Variants in ARHGEF3 observed in about 807,000 individuals in gnomAD.
The protein encoded by ARHGEF3 is 59.8 kDA protein.
In ARHGEF3, 28 loss-of-function variants were observed where a neutral mutation model predicts 63.2. That is an observed-to-expected ratio of 0.44 (90% CI 0.33 to 0.61). The LOEUF (loss-of-function observed/expected upper bound fraction) is 0.61, where lower values mean the gene tolerates loss of function less well. Ranked by LOEUF, ARHGEF3 falls within the 20% of genes least tolerant of loss-of-function variation. The probability of loss-of-function intolerance (pLI) is 0.03; values close to 1 mark genes in which losing one functional copy is unlikely to be tolerated. For synonymous variants in ARHGEF3, 266 were observed against 254.2 expected, an observed-to-expected ratio of 1.05 and a Z score of -0.44; for missense variants, 533 against 659.3, an observed-to-expected ratio of 0.81 and a Z score of 2.10.
chr3:57,060,127 C>G (rs2107342261), intron 1 of ARHGEF3, among the ~76,000 whole-genome samples: 1 of 152,122 alleles, frequency 6.6e-6, no homozygotes, highest in African/African-American at 2.4e-5. Context: ...CAAGAGCTGA[C>G]TGGACAACAT....
chr3:57,014,869 T>C (rs1358903241), intron 2 of ARHGEF3, among the ~76,000 whole-genome samples: 1 of 152,158 alleles, frequency 6.6e-6, no homozygotes, highest in East Asian at 1.9e-4. Context: ...GTATTTTTAC[T>C]AGTCACGGGG....
chr3:56,995,673 A>C, intron 2 of ARHGEF3, among the ~76,000 whole-genome samples: 1 of 93,476 alleles, frequency 1.1e-5, no homozygotes, highest in African/African-American at 4.5e-5. Context: ...GAGAGAGAGA[A>C]TTTTTTTTAA....
chr3:56,979,641 T>G (rs1483101185), intron 2 of ARHGEF3, among the ~76,000 whole-genome samples: 1 of 152,212 alleles, frequency 6.6e-6, no homozygotes, highest in Non-Finnish European at 1.5e-5. Flanking sequence ...CAGGTGGTGC[T>G]TATCCTAGAT....
chr3:57,013,150 C>A (rs1702778340), intron 2 of ARHGEF3, among the ~76,000 whole-genome samples: 1 of 152,230 alleles, frequency 6.6e-6, no homozygotes, highest in Non-Finnish European at 1.5e-5. Context: ...GAGCCCCCCG[C>A]CCTGGCGGTG....
chr3:57,016,516 C>T (rs981775794), intron 2 of ARHGEF3, among the ~76,000 whole-genome samples: 5 of 151,904 alleles, frequency 3.3e-5, no homozygotes, highest in African/African-American at 1.2e-4. Flanking sequence ...CCACCGCACT[C>T]CAGCCTGGGC....
intron 1 of ARHGEF3, among the ~76,000 whole-genome samples, chr3:57,063,147 A>G (rs1402527755): frequency 6.6e-6 from 1 of 152,194 alleles, no homozygotes. Flanking sequence ...GGCAGCGGGA[A>G]TAGCAGGTGC....
rs189844283 is a variant in ARHGEF3 at position 56,793,359 on chromosome 3, C to T, written c.96+8344G>A. Among the ~76,000 whole-genome samples the T allele has an allele frequency of 5.9e-5, 9 of 152,272 alleles. No individual in the cohort carries two copies. In the East Asian group the frequency reaches 1.7e-3, roughly 29 times the overall value. On this transcript the variant is annotated intron_variant, in intron 1 of 9. Transcript: ENST00000296315. ...TAATTTTTTGTATTTTTAGTAGAAACGGGGTTTCACCGCGTTAGCCAGGAT... is the reference window on the plus strand; with the variant it reads ...TAATTTTTTGTATTTTTAGTAGAAATGGGGTTTCACCGCGTTAGCCAGGAT...
chr3:56,957,861 C>G (rs1286088448), intron 3 of ARHGEF3, among the ~76,000 whole-genome samples: 2 of 152,170 alleles, frequency 1.3e-5, no homozygotes, highest in African/African-American at 2.4e-5. Flanking sequence ...GCAAGTTTTG[C>G]TCCTGAGATT....
Position 56,996,890 on chromosome 3 carries a change from A to ATTTT in ARHGEF3, c.63-38005_63-38002dup, listed in dbSNP as rs534187681. On this transcript the variant is annotated intron_variant, in intron 2 of 12. Coordinates refer to the ARHGEF3 transcript ENST00000338458. ...AAACATTATTATTATTATTATTATT[A>ATTTT]TTTTTTTTTTTTTTTGCAATTTGCT... Among the ~76,000 whole-genome samples the ATTTT allele has an allele frequency of 6.1e-3, 835 of 136,458 alleles. 17 individuals carry two copies. The highest frequency in any genetic ancestry group is 0.057 in the East Asian group (271 of 4,730). The allele number at this position is 136,458 out of a possible 152,430, so 89.5% of individuals were successfully genotyped here. A position where few individuals can be genotyped will look rare whatever the true frequency, so the allele number is the denominator to read the frequency against.
chr3:56,859,500 G>A (rs1161198413), intron 4 of ARHGEF3, among the ~76,000 whole-genome samples: 1 of 151,200 alleles, frequency 6.6e-6, no homozygotes, highest in East Asian at 2.0e-4. Flanking sequence ...AGGGCAGACT[G>A]AGCCCACATC....
rs2032819733 is a variant in ARHGEF3 at position 56,727,680 on chromosome 3, C to T, written c.*1590G>A. 6.6e-6 allele frequency: 1 copy of T among 152,486 alleles called. No homozygotes were observed. Among genetic ancestry groups the T allele is most frequent in the African/African-American group, 2.4e-5 (1 of 41,420 alleles). The allele number at this position is 152,486 out of a possible 1,614,324, so 9.4% of individuals were successfully genotyped here. A position where few individuals can be genotyped will look rare whatever the true frequency, so the allele number is the denominator to read the frequency against. On this transcript the variant is annotated 3_prime_UTR_variant, in exon 10 of 10. Transcript: ENST00000296315. ...TCTGCAGCAGGTTCACTTGCTGTAT[C>T]AATAACGACTTGAGAAAGCAGTTTT...
intron 3 of ARHGEF3, among the ~76,000 whole-genome samples, chr3:56,894,546 T>C (rs1187147612): frequency 1.3e-5 from 2 of 152,044 alleles, no homozygotes; most frequent in African/African-American, 4.8e-5. Context: ...TCTCAGCACT[T>C]TGGGAGGCCA....
intron 2 of ARHGEF3, among the ~76,000 whole-genome samples, chr3:57,031,657 C>T (rs1703739582): frequency 6.6e-6 from 1 of 152,204 alleles, no homozygotes; most frequent in Non-Finnish European, 1.5e-5. Context: ...CAATGCCCAC[C>T]AAATGAACAA....
intron 8 of ARHGEF3, among the ~76,000 whole-genome samples, chr3:56,732,935 G>C (rs370468325): frequency 6.6e-6 from 1 of 152,016 alleles, no homozygotes; most frequent in African/African-American, 2.4e-5. Flanking sequence ...ATCACTTGAG[G>C]TTAGGAGTTC....
Position 56,745,292 on chromosome 3 carries a change from G to A in ARHGEF3, c.783C>T (p.Ser261=). 1 of 1,614,104 alleles carries A rather than the reference G, an allele frequency of 6.2e-7. No homozygotes were observed. The highest frequency in any genetic ancestry group is 1.1e-5 in the South Asian group (1 of 91,068). Residue 261 remains serine, a synonymous_variant, in exon 7 of 10, where the codon AGC becomes AGT. Coordinates refer to ENST00000296315, the MANE Select transcript of ARHGEF3 (RefSeq NM_019555.3). ...DLWNFLDIPR[S]RLVKYPLLLR... is the part of the protein sequence containing the mutation. ...GAAGCAGAGGGTATTTTACCAGGCG[G>A]CTTCTTGGAATATCGAGGAAATTCC...
At chr3:56,876,036 G>C (rs1232258590) in intron 4 of ARHGEF3, among the ~76,000 whole-genome samples, 1 of 152,136 alleles carries the variant, frequency 6.6e-6, no homozygotes, top group African/African-American at 2.4e-5. Context: ...AGATATGAAG[G>C]GTAAGGGGGC....
At chr3:57,059,963 T>C (rs1191026690) in intron 1 of ARHGEF3, among the ~76,000 whole-genome samples, 1 of 151,554 alleles carries the variant, frequency 6.6e-6, no homozygotes, top group Non-Finnish European at 1.5e-5. Flanking sequence ...GCCATTGCAC[T>C]CCAGCCTGGG....
At chr3:56,797,578 A>G (rs2037436370) in intron 1 of ARHGEF3, among the ~76,000 whole-genome samples, 1 of 152,236 alleles carries the variant, frequency 6.6e-6, no homozygotes, top group South Asian at 2.1e-4. Context: ...GTTCAATACA[A>G]TAAGATACAG....
intron 1 of ARHGEF3, among the ~76,000 whole-genome samples, chr3:56,788,415 A>G (rs530080881): frequency 3.9e-5 from 6 of 152,314 alleles, no homozygotes; most frequent in Non-Finnish European, 8.8e-5. Flanking sequence ...TTTCTAAACC[A>G]GGGGGAACAT....
Sources: allele counts gnomAD v4.1 joint callset (sites outside exome capture counted in the v4.1 genomes callset), GRCh38; gene constraint gnomAD v4.1.1; transcripts MANE v1.5; gene names NCBI Gene and HGNC (gene_info 2026-07-23, HGNC 2026-07-21).